MAGI2: variants seen among roughly 807,000 people sequenced by gnomAD.
The protein encoded by MAGI2 is membrane associated guanylate kinase, WW and PDZ domain containing 2, also known as membrane-associated guanylate kinase, WW and PDZ domain-containing protein 2.
A neutral mutation model predicts 133.3 loss-of-function variants in MAGI2; 35 were observed. The ratio of observed to expected loss-of-function variants is 0.26; its 90% CI spans 0.20 to 0.35. MAGI2 has a LOEUF of 0.35. Among genes scored for constraint, MAGI2 ranks in the 10% least tolerant of loss-of-function variants. The pLI is 1.00. For missense variants in MAGI2, 1,636 were observed against 1,863.4 expected (o/e 0.88, Z 2.25); for synonymous variants, 729 against 710.6 (o/e 1.03, Z -0.41).
intron 21 of MAGI2, among the ~76,000 whole-genome samples, chr7:78,058,515 A>C (rs1812890933): frequency 6.8e-6 from 1 of 146,006 alleles, no homozygotes; most frequent in Non-Finnish European, 1.5e-5. Context: ...TTTGTTGCCC[A>C]GGCTGGTGTG....
intron 2 of MAGI2, among the ~76,000 whole-genome samples, chr7:78,837,588 T>G (rs1791752045): frequency 1.3e-5 from 2 of 152,130 alleles, no homozygotes; most frequent in Admixed American, 1.3e-4. Context: ...GTATATAGCA[T>G]ATGTAATATT....
intron 2 of MAGI2, among the ~76,000 whole-genome samples, chr7:78,946,110 G>A (rs1050055933): frequency 6.6e-6 from 1 of 152,102 alleles, no homozygotes; most frequent in African/African-American, 2.4e-5. Context: ...CATTGCTGTA[G>A]AAATATTTTA....
chr7:78,884,504 G>A (rs7788393), intron 2 of MAGI2, among the ~76,000 whole-genome samples: 53,032 of 151,694 alleles, frequency 0.35, 9,614 homozygotes, highest in East Asian at 0.51. Context: ...ATAAATAAGA[G>A]GCAACAGGAT....
chr7:79,077,738 C>A (rs1271423564), intron 1 of MAGI2, among the ~76,000 whole-genome samples: 2 of 151,724 alleles, frequency 1.3e-5, no homozygotes, highest in East Asian at 3.9e-4. Flanking sequence ...TTATTATTTT[C>A]CGTGATTAAT....
intron 3 of MAGI2, among the ~76,000 whole-genome samples, chr7:78,557,758 C>G (rs547703313): frequency 6.6e-6 from 1 of 152,134 alleles, no homozygotes. Flanking sequence ...AAAGGTTTTT[C>G]TTTTTCTCCT....
At chr7:78,887,494 A>G (rs1430242793) in intron 2 of MAGI2, among the ~76,000 whole-genome samples, 1 of 152,182 alleles carries the variant, frequency 6.6e-6, no homozygotes, top group African/African-American at 2.4e-5. Flanking sequence ...GTTCACTGGT[A>G]TGGAGAAATA....
At chr7:78,705,548 A>G (rs1818559412) in intron 2 of MAGI2, among the ~76,000 whole-genome samples, 2 of 152,116 alleles carry the variant, frequency 1.3e-5, no homozygotes, top group Admixed American at 6.6e-5. Context: ...TTAAATGTAT[A>G]TAAGGACTGC....
chr7:79,344,561 G>A (rs1225272961), intron 1 of MAGI2, among the ~76,000 whole-genome samples: 1 of 152,092 alleles, frequency 6.6e-6, no homozygotes, highest in Non-Finnish European at 1.5e-5. Context: ...AGCAAAAATA[G>A]ATATAAACAA....
intron 2 of MAGI2, among the ~76,000 whole-genome samples, chr7:78,926,837 T>C (rs2151647170): frequency 6.6e-6 from 1 of 152,026 alleles, no homozygotes; most frequent in Middle Eastern, 3.4e-3. Context: ...AGGTTTTTTT[T>C]TTTCCTTTTG....
intron 1 of MAGI2, among the ~76,000 whole-genome samples, chr7:79,306,214 T>C (rs1837781965): frequency 6.8e-6 from 1 of 146,544 alleles, no homozygotes; most frequent in Non-Finnish European, 1.5e-5. Flanking sequence ...TATATATATA[T>C]GTGTATATAT....
chr7:78,682,117 A>G (rs1019973437), intron 2 of MAGI2, among the ~76,000 whole-genome samples: 2 of 152,148 alleles, frequency 1.3e-5, no homozygotes, highest in Non-Finnish European at 2.9e-5. Flanking sequence ...GTTTTAGTCT[A>G]TATTTCTATC....
At chr7:78,381,629 G>C (rs1015189607) in intron 6 of MAGI2, among the ~76,000 whole-genome samples, 5 of 152,106 alleles carry the variant, frequency 3.3e-5, no homozygotes, top group Non-Finnish European at 7.3e-5. Flanking sequence ...CCACCTAATA[G>C]AGGAATATGC....
intron 2 of MAGI2, among the ~76,000 whole-genome samples, chr7:78,802,100 A>T (rs1477358118): frequency 5.3e-5 from 8 of 152,170 alleles, no homozygotes; most frequent in African/African-American, 1.9e-4. Context: ...CCTCCTCTGG[A>T]ACGCTCTTTT....
chr7:78,108,660 G>T (rs867824984), intron 20 of MAGI2, among the ~76,000 whole-genome samples: 1 of 122,596 alleles, frequency 8.2e-6, no homozygotes, highest in East Asian at 3.3e-4. Flanking sequence ...GTGTGTGTGT[G>T]TGTGTGTGTA....
chr7:78,950,062 C>T (rs566502725), intron 2 of MAGI2, among the ~76,000 whole-genome samples: 2 of 152,260 alleles, frequency 1.3e-5, no homozygotes, highest in African/African-American at 4.8e-5. Flanking sequence ...CTTCTTTCCC[C>T]TCCTCTGCAT....
Position 78,439,983 on chromosome 7 carries a change from A to C in MAGI2, c.1045+49778T>G, listed in dbSNP as rs191966987. 1.4e-3 allele frequency among the ~76,000 whole-genome samples: 207 copies of C among 152,216 alleles called. 2 individuals carry two copies. The highest frequency in any genetic ancestry group is 2.1e-3 in the Non-Finnish European group (142 of 68,028). ...GGCTATATTGGACTAAATAAATATTATTAATTTAACGTATTTTTATTTTTT... is the reference window on the plus strand; with the variant it reads ...GGCTATATTGGACTAAATAAATATTCTTAATTTAACGTATTTTTATTTTTT... On this transcript the variant is annotated intron_variant, in intron 6 of 21. Transcript: ENST00000354212.
chr7:78,124,452 G>T (rs771966441), intron 20 of MAGI2, among the ~76,000 whole-genome samples: 3 of 152,184 alleles, frequency 2.0e-5, no homozygotes, highest in Non-Finnish European at 4.4e-5. Context: ...GACATGATGT[G>T]CATGCCTTCT....
chr7:78,113,682 G>C (rs996466341), intron 20 of MAGI2, among the ~76,000 whole-genome samples: 1 of 152,168 alleles, frequency 6.6e-6, no homozygotes, highest in African/African-American at 2.4e-5. Context: ...CTAGGTTTTT[G>C]TAAGTGTACT....
At chr7:78,436,095 G>A (rs945263391) in intron 6 of MAGI2, among the ~76,000 whole-genome samples, 3 of 152,154 alleles carry the variant, frequency 2.0e-5, no homozygotes, top group Admixed American at 6.6e-5. Context: ...TTTGAAAAAG[G>A]TACAGGTAAA....
Sources: gnomAD v4.1 joint callset for allele counts (sites outside exome capture counted in the v4.1 genomes callset) on GRCh38, gnomAD v4.1.1 for gene constraint, MANE v1.5 for transcripts, NCBI Gene and HGNC (gene_info 2026-07-23, HGNC 2026-07-21) for gene names.